PITPNM2: variants seen among roughly 807,000 people sequenced by gnomAD.
PITPNM2 encodes the protein phosphatidylinositol transfer protein membrane associated 2.
Under a neutral mutation model 132.2 loss-of-function variants are expected in PITPNM2, and 35 were observed. That is an observed-to-expected ratio of 0.26 (90% confidence interval 0.20 to 0.35). The LOEUF (loss-of-function observed/expected upper bound fraction) is 0.35. PITPNM2 is among the 10% of genes least tolerant of loss of function. The pLI is 1.00. For synonymous variants in PITPNM2, 738 were observed against 799.2 expected, an observed-to-expected ratio of 0.92 and a Z score of 1.29; for missense variants, 1,332 against 1,912.0, an observed-to-expected ratio of 0.70 and a Z score of 5.66.
chr12:123,010,215 T>C (rs968992655), intron 5 of PITPNM2, 138 bp from the exon 6 acceptor site: 7 of 688,314 alleles, frequency 1.0e-5, no homozygotes, highest in African/African-American at 5.4e-5. Flanking sequence ...GTGAGGATCA[T>C]GTTCTGGGCA....
chr12:123,025,508 A>G (rs186407219), intron 3 of PITPNM2, among the ~76,000 whole-genome samples: 192 of 148,468 alleles, frequency 1.3e-3, no homozygotes, highest in Middle Eastern at 3.5e-3. Context: ...ATCTTGGCTC[A>G]CCGCATCCTC....
chr12:123,029,431 C>G (rs2039990436), intron 3 of PITPNM2, among the ~76,000 whole-genome samples: 1 of 152,114 alleles, frequency 6.6e-6, no homozygotes, highest in African/African-American at 2.4e-5. Flanking sequence ...ACTAAAAATA[C>G]AAAAATTAGC....
At chr12:123,081,242 G>C (rs2041953634) in intron 2 of PITPNM2, 1 of 152,486 alleles carries the variant, frequency 6.6e-6, no homozygotes, top group Non-Finnish European at 1.5e-5. Flanking sequence ...GGGGCTCTCA[G>C]GGAACAGCAT....
intron 1 of PITPNM2, among the ~76,000 whole-genome samples, chr12:123,140,576 C>T (rs2043484388): frequency 6.6e-6 from 1 of 152,130 alleles, no homozygotes; most frequent in South Asian, 2.1e-4. Context: ...TCCCCTGCCC[C>T]ACCCCCTAAC....
chr12:123,029,900 A>G (rs1264264070), intron 3 of PITPNM2, among the ~76,000 whole-genome samples: 1 of 150,978 alleles, frequency 6.6e-6, no homozygotes, highest in Non-Finnish European at 1.5e-5. Flanking sequence ...GCCCATGTGC[A>G]CTAAAGAGGA....
At chr12:123,135,721 G>A (rs1619561) in intron 1 of PITPNM2, among the ~76,000 whole-genome samples, 2 of 151,934 alleles carry the variant, frequency 1.3e-5, no homozygotes, top group African/African-American at 4.8e-5. Flanking sequence ...TTTTAGAGAC[G>A]GCGTCTCGCT....
At chr12:123,020,611 G>A (rs2039627876) in intron 3 of PITPNM2, among the ~76,000 whole-genome samples, 1 of 152,186 alleles carries the variant, frequency 6.6e-6, no homozygotes, top group Non-Finnish European at 1.5e-5. Flanking sequence ...CCAGCTCCGG[G>A]AGCAGCAGGA....
rs1400487642 is a variant in PITPNM2 at position 123,008,586 on chromosome 12, G to A, written c.643+1264C>T. Among the ~76,000 whole-genome samples, 1 of 152,178 alleles carries A rather than the reference G, an allele frequency of 6.6e-6. No homozygotes were observed. The highest frequency in any genetic ancestry group is 1.5e-5 in the Non-Finnish European group (1 of 68,026). ...AGCCCTGGGTAATGGAGAGAGGCAGGTTTGGGCCAATCTAAGCTCCCATGG... is the reference window on the plus strand; with the variant it reads ...AGCCCTGGGTAATGGAGAGAGGCAGATTTGGGCCAATCTAAGCTCCCATGG... On this transcript the variant is annotated intron_variant, in intron 6 of 25. Transcript: ENST00000320201. The surrounding 1 kb of genome is among the most constrained non-coding windows in gnomAD (Gnocchi z 4.1).
intron 18 of PITPNM2, among the ~76,000 whole-genome samples, chr12:122,989,370 C>T (rs2038085219): frequency 6.6e-6 from 1 of 152,196 alleles, no homozygotes. Flanking sequence ...GGCGGGGAAG[C>T]CTGGGCCTCC....
intron 2 of PITPNM2, chr12:123,091,945 TGATGTGCACA>T (rs2042280051): frequency 6.6e-6 from 1 of 152,432 alleles, no homozygotes. Context: ...GGAAGTGGTA[TGATGTGCACA>T]GAGGCCCCAG....
chr12:123,066,720 C>T (rs1275256660), intron 2 of PITPNM2, among the ~76,000 whole-genome samples: 2 of 152,220 alleles, frequency 1.3e-5, no homozygotes, highest in Non-Finnish European at 2.9e-5. Flanking sequence ...TTTGGAGCCA[C>T]ATGCAGCCTT....
intron 1 of PITPNM2, among the ~76,000 whole-genome samples, chr12:123,122,116 A>T (rs2043044978): frequency 6.6e-6 from 1 of 152,158 alleles, no homozygotes. Context: ...TACCTATCAA[A>T]TACTAACTCT....
intron 1 of PITPNM2, among the ~76,000 whole-genome samples, chr12:123,136,892 C>CA (rs945749228): frequency 1.3e-5 from 2 of 151,650 alleles, no homozygotes; most frequent in African/African-American, 4.8e-5. Flanking sequence ...GACTCCGTCT[C>CA]AAAAAAAATA....
intron 1 of PITPNM2, among the ~76,000 whole-genome samples, chr12:123,130,357 C>A (rs2043235489): frequency 6.6e-6 from 1 of 152,110 alleles, no homozygotes; most frequent in Non-Finnish European, 1.5e-5. Context: ...ATGCAAAAGA[C>A]CTTTGGAAAC....
At chr12:123,045,467 T>A (rs2040622323) in intron 2 of PITPNM2, among the ~76,000 whole-genome samples, 1 of 152,180 alleles carries the variant, frequency 6.6e-6, no homozygotes, top group Non-Finnish European at 1.5e-5. Flanking sequence ...ATTCCTGCAT[T>A]TAACACAAAT....
chr12:123,090,846 A>G (rs564747020), intron 2 of PITPNM2: 1 of 152,384 alleles, frequency 6.6e-6, no homozygotes, highest in Non-Finnish European at 1.5e-5. Context: ...TGGTCTTCCT[A>G]ACCCTTGATG....
chr12:123,125,790 C>T (rs1410074397), intron 1 of PITPNM2, among the ~76,000 whole-genome samples: 6 of 140,932 alleles, frequency 4.3e-5, no homozygotes, highest in East Asian at 2.1e-4. Flanking sequence ...TGCAGTGAGC[C>T]GAGATTACTC....
In PITPNM2 at chr12:123,004,742, T is replaced by C. The variant is rs2038850828; in HGVS notation, c.953-253A>G. The C allele has an allele frequency of 1.0e-5, 6 of 598,698 alleles. No individual in the cohort carries two copies. In the Admixed American group the frequency reaches 1.7e-4, roughly 17 times the overall value. 37.1% of individuals were successfully genotyped at this position (598,698 alleles called of 1,614,324 possible). A position where few individuals can be genotyped will look rare whatever the true frequency, so the allele number is the denominator to read the frequency against. On this transcript the variant is annotated intron_variant, in intron 7 of 25. Transcript: ENST00000320201. This position sits in a 1 kb window ranked among gnomAD's most constrained non-coding sequence, Gnocchi z 4.9. ...TGGGTGGGGAAGAGCATGACAGACATAAGCCCAGGACGTGGGGTAAGACAG... is the reference window on the plus strand; with the variant it reads ...TGGGTGGGGAAGAGCATGACAGACACAAGCCCAGGACGTGGGGTAAGACAG...
At chr12:123,113,018 T>C (rs1018950348) in intron 1 of PITPNM2, among the ~76,000 whole-genome samples, 9 of 152,264 alleles carry the variant, frequency 5.9e-5, no homozygotes, top group African/African-American at 2.2e-4. Flanking sequence ...TGTTTCTCTA[T>C]ATGATTCCTA....
Sources: allele counts gnomAD v4.1 joint callset (sites outside exome capture counted in the v4.1 genomes callset), GRCh38; gene constraint gnomAD v4.1.1; non-coding constraint Gnocchi (gnomAD v3.1); transcripts MANE v1.5; gene names NCBI Gene and HGNC (gene_info 2026-07-23, HGNC 2026-07-21).